ALK: variants seen among roughly 807,000 people sequenced by gnomAD.
The protein encoded by ALK is ALK tyrosine kinase receptor.
In ALK, 74 loss-of-function variants were observed where a neutral mutation model predicts 163.1. That is an observed-to-expected ratio of 0.45 (90% CI 0.38 to 0.55). The LOEUF (loss-of-function observed/expected upper bound fraction) is 0.55, where lower values mean the gene tolerates loss of function less well. ALK is among the 20% of genes least tolerant of loss of function. The pLI is 0.00. For missense variants in ALK, 2,063 were observed against 2,105.3 expected (o/e 0.98, Z 0.39); for synonymous variants, 960 against 843.2 (o/e 1.14, Z -2.40).
chr2:29,766,082 A>G (rs2541179), intron 1 of ALK, among the ~76,000 whole-genome samples: 104,636 of 152,194 alleles, frequency 0.69, 40,513 homozygotes, highest in Non-Finnish European at 0.87. Flanking sequence ...AATTTTAATT[A>G]GCTGTACAGT....
At chr2:29,896,223 G>A (rs964650048) in intron 1 of ALK, among the ~76,000 whole-genome samples, 16 of 152,240 alleles carry the variant, frequency 1.1e-4, no homozygotes, top group African/African-American at 2.4e-4. Flanking sequence ...ACATTTGAGT[G>A]GAGACTTAAG....
At chr2:29,798,833 TG>T (rs766632198) in intron 1 of ALK, among the ~76,000 whole-genome samples, 4 of 151,980 alleles carry the variant, frequency 2.6e-5, no homozygotes, top group South Asian at 4.2e-4. Context: ...AGAATTTTCC[TG>T]GGGGAAAAAA....
At chr2:29,464,587 T>A (rs373055879) in intron 4 of ALK, among the ~76,000 whole-genome samples, 22 of 145,914 alleles carry the variant, frequency 1.5e-4, no homozygotes, top group African/African-American at 5.5e-4. Context: ...ATGGAAATTT[T>A]TGAGATAAAA....
intron 3 of ALK, among the ~76,000 whole-genome samples, chr2:29,594,959 G>C (rs1675168003): frequency 6.6e-6 from 1 of 150,892 alleles, no homozygotes; most frequent in South Asian, 2.1e-4. Flanking sequence ...AAATGCAAAA[G>C]GAAGGAACAG....
At chr2:29,742,366 T>C (rs769172546) in intron 1 of ALK, among the ~76,000 whole-genome samples, 1 of 152,210 alleles carries the variant, frequency 6.6e-6, no homozygotes, top group Non-Finnish European at 1.5e-5. Flanking sequence ...GTTCACAGGC[T>C]GCTTGACCTG....
intron 2 of ALK, among the ~76,000 whole-genome samples, chr2:29,699,139 G>T (rs981994263): frequency 6.6e-6 from 1 of 152,156 alleles, no homozygotes; most frequent in Admixed American, 6.5e-5. Context: ...TTTACAGGAG[G>T]GATTCAGAGG....
At chr2:29,423,744 G>C (rs1481672429) in intron 4 of ALK, among the ~76,000 whole-genome samples, 1 of 152,070 alleles carries the variant, frequency 6.6e-6, no homozygotes, top group Non-Finnish European at 1.5e-5. Flanking sequence ...TAGGACACTG[G>C]GGGACCCTCC....
At chr2:29,442,525 CG>C (rs987119238) in intron 4 of ALK, among the ~76,000 whole-genome samples, 3 of 151,968 alleles carry the variant, frequency 2.0e-5, no homozygotes, top group African/African-American at 7.3e-5. Context: ...AATGACCTGG[CG>C]ATCTTCAATA....
intron 4 of ALK, among the ~76,000 whole-genome samples, chr2:29,468,837 G>T (rs144645469): frequency 1.4e-3 from 162 of 114,202 alleles, no homozygotes; most frequent in African/African-American, 5.5e-3. Context: ...CTGGGCAGTA[G>T]AGTGAGACCC....
At chr2:29,865,457 T>G (rs1421650913) in intron 1 of ALK, among the ~76,000 whole-genome samples, 14 of 152,220 alleles carry the variant, frequency 9.2e-5, no homozygotes, top group Non-Finnish European at 1.6e-4. Context: ...GTTTCTCCTA[T>G]GTGGATTGGC....
chr2:29,576,111 G>C (rs1420855772), intron 3 of ALK, among the ~76,000 whole-genome samples: 1 of 152,210 alleles, frequency 6.6e-6, no homozygotes, highest in Non-Finnish European at 1.5e-5. Flanking sequence ...AACTGGGGCT[G>C]ACTGATTGGC....
At chr2:29,639,889 A>AT (rs1676650699) in intron 3 of ALK, among the ~76,000 whole-genome samples, 1 of 152,180 alleles carries the variant, frequency 6.6e-6, no homozygotes, top group Non-Finnish European at 1.5e-5. Context: ...GGTTTGCATG[A>AT]TTTCATCCAC....
chr2:29,195,253 A>G (rs79024691), intron 28 of ALK, among the ~76,000 whole-genome samples: 1,604 of 152,336 alleles, frequency 0.011, 13 homozygotes, highest in Non-Finnish European at 0.016. Context: ...TTCCATTCAG[A>G]TTACAACAAA....
intron 4 of ALK, among the ~76,000 whole-genome samples, chr2:29,501,168 AGTCCCTCT>A (rs1259625091): frequency 1.3e-5 from 2 of 152,114 alleles, no homozygotes; most frequent in Non-Finnish European, 2.9e-5. Context: ...ACATCTCTTC[AGTCCCTCT>A]GTCCCTTGCT....
chr2:29,471,740 C>CT (rs112148653), intron 4 of ALK, among the ~76,000 whole-genome samples: 26,486 of 145,546 alleles, frequency 0.18, 2,528 homozygotes, highest in East Asian at 0.36. Flanking sequence ...ACTTTCTTTT[C>CT]TTTTTTTTTT....
chr2:29,565,508 A>C (rs1674153116), intron 3 of ALK, among the ~76,000 whole-genome samples: 1 of 152,218 alleles, frequency 6.6e-6, no homozygotes, highest in African/African-American at 2.4e-5. Context: ...ATGGAAAAGC[A>C]ATCTCAGATA....
At chr2:29,594,394 T>C (rs1470280724) in intron 3 of ALK, among the ~76,000 whole-genome samples, 2 of 151,422 alleles carry the variant, frequency 1.3e-5, no homozygotes, top group Admixed American at 6.6e-5. Flanking sequence ...ACACTATGAG[T>C]ATAGACAAAC....
At chr2:29,751,412 T>C (rs1680363655) in intron 1 of ALK, among the ~76,000 whole-genome samples, 1 of 152,174 alleles carries the variant, frequency 6.6e-6, no homozygotes, top group Non-Finnish European at 1.5e-5. Flanking sequence ...GTATGTGCAG[T>C]CCTTCATTGC....
intron 3 of ALK, among the ~76,000 whole-genome samples, chr2:29,615,608 T>C (rs575853453): frequency 3.2e-4 from 49 of 152,336 alleles, no homozygotes; most frequent in Non-Finnish European, 3.5e-4. Flanking sequence ...TTATCAATAC[T>C]ATTTGCCCTG....
Sources: allele counts gnomAD v4.1 joint callset (sites outside exome capture counted in the v4.1 genomes callset), GRCh38; gene constraint gnomAD v4.1.1; transcripts MANE v1.5; gene names NCBI Gene and HGNC (gene_info 2026-07-23, HGNC 2026-07-21).